The following COLEC10 variants were observed in gnomAD, a reference collection of about 807,000 sequenced individuals.
COLEC10 encodes collectin-10.
Under a neutral mutation model 28.4 loss-of-function variants are expected in COLEC10, and 22 were observed. The ratio of observed to expected loss-of-function variants is 0.78; its 90% CI spans 0.55 to 1.11. COLEC10 has a LOEUF of 1.11. Among genes scored for constraint, COLEC10 ranks in the 50% least tolerant of loss-of-function variants. The probability of loss-of-function intolerance (pLI) is 0.00; values close to 1 mark genes in which losing one functional copy is unlikely to be tolerated. For missense variants in COLEC10, 361 were observed against 344.1 expected (o/e 1.05, Z -0.39); for synonymous variants, 125 against 116.1 (o/e 1.08, Z -0.49).
intron 1 of COLEC10, among the ~76,000 whole-genome samples, chr8:119,080,599 G>C (rs1431950338): frequency 6.6e-6 from 1 of 152,066 alleles, no homozygotes; most frequent in Non-Finnish European, 1.5e-5. Context: ...GAGATAAAGA[G>C]CCATAGTTCC....
chr8:119,092,536 G>A (rs979365216), intron 3 of COLEC10, among the ~76,000 whole-genome samples: 3 of 152,104 alleles, frequency 2.0e-5, no homozygotes, highest in African/African-American at 7.2e-5. Context: ...GTTTTACTTA[G>A]AGATACAAAA....
chr8:118,956,529 C>T, the COLEC10 span, among the ~76,000 whole-genome samples: 2 of 152,166 alleles, frequency 1.3e-5, no homozygotes, highest in Non-Finnish European at 2.9e-5. Flanking sequence ...GATACAACCT[C>T]TTGCTTATAA....
chr8:119,097,259 T>C (rs369470270), intron 3 of COLEC10, among the ~76,000 whole-genome samples: 18 of 152,106 alleles, frequency 1.2e-4, no homozygotes, highest in African/African-American at 4.3e-4. Context: ...TTTGTGTTTT[T>C]TTTTCAGTAA....
At chr8:119,091,723 T>C (rs1406686195) in intron 3 of COLEC10, among the ~76,000 whole-genome samples, 1 of 152,174 alleles carries the variant, frequency 6.6e-6, no homozygotes, top group Non-Finnish European at 1.5e-5. Flanking sequence ...CTGTCTGTCT[T>C]CATAGTTTGT....
chr8:118,965,708 C>T, the COLEC10 span, among the ~76,000 whole-genome samples: 8 of 152,018 alleles, frequency 5.3e-5, no homozygotes, highest in Admixed American at 3.3e-4. Flanking sequence ...TCTTTCAAAA[C>T]AAGAAAAGAA....
At chr8:118,952,693 A>G in the COLEC10 span, among the ~76,000 whole-genome samples, 1 of 152,140 alleles carries the variant, frequency 6.6e-6, no homozygotes, top group African/African-American at 2.4e-5. Context: ...CACCAACCCC[A>G]CCATCATCAA....
chr8:119,067,788 T>G, intron 1 of COLEC10: 1 of 173,602 alleles, frequency 5.8e-6, no homozygotes, highest in East Asian at 1.6e-4. Context: ...TTGCACTGTT[T>G]GTACTCTCCT....
chr8:119,012,778 C>A (rs1586997496), intron 2 of COLEC10, among the ~76,000 whole-genome samples: 1 of 150,122 alleles, frequency 6.7e-6, no homozygotes, highest in Non-Finnish European at 1.5e-5. Context: ...GTATTATTTT[C>A]TTTCCTTTTA....
At chr8:119,028,115 C>T (rs1468104207) in intron 2 of COLEC10, among the ~76,000 whole-genome samples, 1 of 152,112 alleles carries the variant, frequency 6.6e-6, no homozygotes, top group Non-Finnish European at 1.5e-5. Flanking sequence ...CTACTTGTCT[C>T]CCCCATTTAG....
chr8:119,071,275 A>G (rs1408356198), intron 1 of COLEC10, among the ~76,000 whole-genome samples: 6 of 152,152 alleles, frequency 3.9e-5, no homozygotes, highest in African/African-American at 1.4e-4. Flanking sequence ...ATTTTACCCT[A>G]TTGCTTATTT....
chr8:118,993,889 C>G (rs1813546647), upstream of COLEC10, among the ~76,000 whole-genome samples: 1 of 152,048 alleles, frequency 6.6e-6, no homozygotes, highest in African/African-American at 2.4e-5. Context: ...CACTGGGGCC[C>G]TGGTTAAAGA....
rs538540355 is a variant in COLEC10 at position 119,099,867 on chromosome 8, A to G, written c.293-2481A>G. Among the ~76,000 whole-genome samples, 10 of 151,766 alleles carry G rather than the reference A, an allele frequency of 6.6e-5. No homozygotes were observed. The South Asian group carries it at 2.1e-3, about 32-fold the overall frequency. ...TAGTATCTCATCTCTTTGTTCTCTT[A>G]TGTGTGTTTTGCTTTCCTTAAAAGC... On this transcript the variant is annotated intron_variant, in intron 3 of 5. Transcript: ENST00000332843.
At chr8:119,021,954 C>G (rs1206714402) in intron 2 of COLEC10, among the ~76,000 whole-genome samples, 1 of 152,106 alleles carries the variant, frequency 6.6e-6, no homozygotes, top group African/African-American at 2.4e-5. Flanking sequence ...GCCATCTCTA[C>G]ACTTGTTAGA....
intron 1 of COLEC10, among the ~76,000 whole-genome samples, chr8:119,086,286 C>G (rs1815479622): frequency 6.6e-6 from 1 of 151,690 alleles, no homozygotes; most frequent in Non-Finnish European, 1.5e-5. Context: ...ACTTAATTTT[C>G]AAATACAAGT....
chr8:119,028,521 T>A (rs1349588110), intron 2 of COLEC10, among the ~76,000 whole-genome samples: 2 of 152,080 alleles, frequency 1.3e-5, no homozygotes, highest in Non-Finnish European at 2.9e-5. Context: ...AGGAAACCCC[T>A]GATAAACCCA....
intron 2 of COLEC10, among the ~76,000 whole-genome samples, chr8:119,058,863 C>T (rs74987373): frequency 0.012 from 1,851 of 152,120 alleles, 37 homozygotes; most frequent in African/African-American, 0.042. Flanking sequence ...AGTGACTGTA[C>T]ATTTTACATC....
At chr8:118,955,851 G>T in the COLEC10 span, among the ~76,000 whole-genome samples, 1 of 152,234 alleles carries the variant, frequency 6.6e-6, no homozygotes, top group African/African-American at 2.4e-5. Flanking sequence ...TGAGTAGACA[G>T]TGGCTAGGTT....
intron 2 of COLEC10, among the ~76,000 whole-genome samples, chr8:119,031,319 C>G (rs955783464): frequency 8.5e-5 from 13 of 152,124 alleles, no homozygotes; most frequent in African/African-American, 3.1e-4. Flanking sequence ...CACATCAACC[C>G]TCTGGCCAAG....
chr8:119,003,844 C>T (rs1210357983), intron 1 of COLEC10, among the ~76,000 whole-genome samples: 7 of 151,974 alleles, frequency 4.6e-5, no homozygotes, highest in East Asian at 3.9e-4. Context: ...TGCACATTGA[C>T]GCAAGTTGAT....
Sources: allele counts gnomAD v4.1 joint callset (sites outside exome capture counted in the v4.1 genomes callset), GRCh38; gene constraint gnomAD v4.1.1; transcripts MANE v1.5; gene names NCBI Gene and HGNC (gene_info 2026-07-23, HGNC 2026-07-21).